ATP10A: variants seen among roughly 807,000 people sequenced by gnomAD.
ATP10A encodes the protein ATPase phospholipid transporting 10A (putative).
A neutral mutation model predicts 147.8 loss-of-function variants in ATP10A; 111 were observed. The observed-to-expected ratio is 0.75, with a 90% confidence interval of 0.64 to 0.88. ATP10A has a LOEUF of 0.88. Ranked by LOEUF, ATP10A falls within the 40% of genes least tolerant of loss-of-function variation. The pLI is 0.00. For missense variants in ATP10A, 1,927 were observed against 1,959.0 expected (o/e 0.98, Z 0.31); for synonymous variants, 875 against 841.6 (o/e 1.04, Z -0.69).
chr15:25,811,708 A>G (rs1314236837), intron 1 of ATP10A, among the ~76,000 whole-genome samples: 1 of 152,180 alleles, frequency 6.6e-6, no homozygotes, highest in Non-Finnish European at 1.5e-5. Context: ...CAGAGACACC[A>G]CAGGCGTCAA....
At chr15:25,694,730 T>C in intron 14 of ATP10A, 89 bp downstream of exon 14, 6 of 1,149,076 alleles carry the variant, frequency 5.2e-6, no homozygotes, top group Non-Finnish European at 7.3e-6. Flanking sequence ...GGTGAGGAAG[T>C]GTTTTCCCAT....
chr15:25,849,551 G>C (rs1016986489), intron 1 of ATP10A, among the ~76,000 whole-genome samples: 1 of 152,140 alleles, frequency 6.6e-6, no homozygotes, highest in Non-Finnish European at 1.5e-5. Context: ...ATTAAGTCTG[G>C]CCAGACGCTT....
chr15:25,847,658 A>AGTCTCACT (rs1893086677), intron 1 of ATP10A, among the ~76,000 whole-genome samples: 1 of 81,990 alleles, frequency 1.2e-5, no homozygotes. Context: ...TTTGAGATAG[A>AGTCTCACT]GTCTCACTCT....
intron 1 of ATP10A, among the ~76,000 whole-genome samples, chr15:25,840,161 A>G (rs1892752911): frequency 6.6e-6 from 1 of 152,082 alleles, no homozygotes; most frequent in South Asian, 2.1e-4. Flanking sequence ...TCCTTTTGAA[A>G]TTAGGTTTTC....
At chr15:25,712,993 C>T (rs1439029798) in intron 10 of ATP10A, among the ~76,000 whole-genome samples, 4 of 152,170 alleles carry the variant, frequency 2.6e-5, no homozygotes, top group South Asian at 2.1e-4. Flanking sequence ...AGGGAGCAAC[C>T]GGCTTATAGC....
intron 2 of ATP10A, among the ~76,000 whole-genome samples, chr15:25,755,721 C>T (rs1005006576): frequency 6.6e-6 from 1 of 152,174 alleles, no homozygotes; most frequent in Non-Finnish European, 1.5e-5. Flanking sequence ...GAGACTTCTA[C>T]CTAATATGCT....
chr15:25,841,139 T>C (rs545332522), intron 1 of ATP10A, among the ~76,000 whole-genome samples: 1 of 152,254 alleles, frequency 6.6e-6, no homozygotes, highest in Non-Finnish European at 1.5e-5. Context: ...ATAATGCTTT[T>C]GGTGTCAAGT....
At chr15:25,808,599 G>T (rs183360280) in intron 1 of ATP10A, among the ~76,000 whole-genome samples, 263 of 152,294 alleles carry the variant, frequency 1.7e-3, no homozygotes, top group Non-Finnish European at 2.2e-3. Context: ...GGTCAGGATG[G>T]TCTCGAACTC....
chr15:25,811,032 C>T (rs547765444), intron 1 of ATP10A, among the ~76,000 whole-genome samples: 37 of 152,314 alleles, frequency 2.4e-4, no homozygotes, highest in Non-Finnish European at 2.9e-4. Flanking sequence ...GGGTCTCCCC[C>T]AGATGACCTT....
intron 1 of ATP10A, among the ~76,000 whole-genome samples, chr15:25,849,236 G>A (rs1444848924): frequency 1.3e-5 from 2 of 152,170 alleles, no homozygotes; most frequent in African/African-American, 4.8e-5. Context: ...AGGGGGCCGA[G>A]GGTGTGGACG....
At chr15:25,774,351 G>A (rs1889496535) in intron 2 of ATP10A, among the ~76,000 whole-genome samples, 1 of 152,290 alleles carries the variant, frequency 6.6e-6, no homozygotes, top group South Asian at 2.1e-4. Flanking sequence ...AAGATGAGTG[G>A]ATCACCTGAG....
intron 2 of ATP10A, among the ~76,000 whole-genome samples, chr15:25,758,623 TCCGACCAC>T: frequency 9.7e-6 from 1 of 102,586 alleles, no homozygotes; most frequent in African/African-American, 5.0e-5. Context: ...CCTAACTCAT[TCCGACCAC>T]CTGCTCCACC....
At chr15:25,675,724 T>C (rs1453400556), downstream of ATP10A, among the ~76,000 whole-genome samples, 1 of 152,190 alleles carries the variant, frequency 6.6e-6, no homozygotes, top group Non-Finnish European at 1.5e-5. Context: ...GGCAGGCAGA[T>C]TGCTTGAGCC....
At chr15:25,810,178 G>C (rs1891367049) in intron 1 of ATP10A, among the ~76,000 whole-genome samples, 2 of 152,186 alleles carry the variant, frequency 1.3e-5, no homozygotes, top group African/African-American at 4.8e-5. Context: ...TGCGGGGCTA[G>C]AGCAGGAAAA....
chr15:25,677,073 A>G (rs1197770978), downstream of ATP10A, among the ~76,000 whole-genome samples: 1 of 152,140 alleles, frequency 6.6e-6, no homozygotes, highest in Non-Finnish European at 1.5e-5. Context: ...ACTTAGAATT[A>G]ATTGATTTTG....
chr15:25,694,416 G>A (rs183285745), intron 14 of ATP10A, among the ~76,000 whole-genome samples: 29 of 152,302 alleles, frequency 1.9e-4, no homozygotes, highest in African/African-American at 4.1e-4. Flanking sequence ...TTGGACACCC[G>A]GAGGCTCATG....
At chr15:25,802,239 C>A (rs1890971993) in intron 1 of ATP10A, among the ~76,000 whole-genome samples, 1 of 152,168 alleles carries the variant, frequency 6.6e-6, no homozygotes, top group Non-Finnish European at 1.5e-5. Flanking sequence ...ACAGACCGAG[C>A]TGTTCTCAAC....
downstream of ATP10A, among the ~76,000 whole-genome samples, chr15:25,673,018 C>G (rs115048525): frequency 6.6e-6 from 1 of 151,890 alleles, no homozygotes; most frequent in Non-Finnish European, 1.5e-5. Context: ...TGGGGTGGGA[C>G]GAGGAGAAGG....
At chr15:25,761,675 G>T (rs1431266786) in intron 2 of ATP10A, among the ~76,000 whole-genome samples, 1 of 152,226 alleles carries the variant, frequency 6.6e-6, no homozygotes, top group African/African-American at 2.4e-5. Flanking sequence ...ATGGATTTTG[G>T]ACTTGCATGG....
Sources: gnomAD v4.1 joint callset for allele counts (sites outside exome capture counted in the v4.1 genomes callset) on GRCh38, gnomAD v4.1.1 for gene constraint, MANE v1.5 for transcripts, NCBI Gene and HGNC (gene_info 2026-07-23, HGNC 2026-07-21) for gene names.